FAAH2: variants seen among roughly 807,000 people sequenced by gnomAD.
FAAH2 encodes fatty acid amide hydrolase 2.
FAAH2 carries 60 observed loss-of-function variants against 36.9 expected under a neutral mutation model. That is an observed-to-expected ratio of 1.63 (90% CI 1.32 to 2.02). FAAH2 has a LOEUF of 2.02. Ranked by LOEUF, FAAH2 falls within the 30% of genes most tolerant of loss-of-function variation. The pLI, the probability that FAAH2 is intolerant of heterozygous loss-of-function variation, is 0.00. For synonymous variants in FAAH2, 214 were observed against 143.8 expected (o/e 1.49, Z -3.49); for missense variants, 689 against 397.5 (o/e 1.73, Z -6.23).
At position 57,434,856 on chromosome X, in the gene FAAH2, A is replaced by G. The variant is rs147732707; in HGVS notation, c.1116+2819A>G. ...TATCTAAAGTCAACATAAAAGAAAT[A>G]CTTCTATGATCAGCAAGAAAAATGC... On this transcript the variant is annotated intron_variant, in intron 8 of 10. Coordinates refer to ENST00000374900, the MANE Select transcript of FAAH2 (RefSeq NM_174912.4). Among the ~76,000 whole-genome samples the G allele has an allele frequency of 4.2e-3, 468 of 111,492 alleles. 3 individuals are homozygous for G. The highest frequency in any genetic ancestry group is 0.015 in the African/African-American group (449 of 30,713).
intron 10 of FAAH2, among the ~76,000 whole-genome samples, chrX:57,464,518 CAAAAAAA>C (rs5902566): frequency 1.5e-4 from 9 of 60,984 alleles, no homozygotes; most frequent in Admixed American, 4.2e-4. Context: ...ATAGCAATTG[CAAAAAAA>C]AAAAAAAAAA....
chrX:57,435,158 T>C (rs2056383799), intron 8 of FAAH2, among the ~76,000 whole-genome samples: 1 of 111,806 alleles, frequency 8.9e-6, no homozygotes, highest in Non-Finnish European at 1.9e-5. Context: ...TATATGTTCA[T>C]GATTATGATA....
intron 7 of FAAH2, among the ~76,000 whole-genome samples, chrX:57,405,514 A>G (rs1470988120): frequency 9.2e-6 from 1 of 108,188 alleles, no homozygotes; most frequent in African/African-American, 3.4e-5. Flanking sequence ...TGTGGCAGAC[A>G]CCCTGCCAGA....
At chrX:57,350,534 CAT>C (rs948522114) in intron 5 of FAAH2, among the ~76,000 whole-genome samples, 1 of 110,549 alleles carries the variant, frequency 9.0e-6, no homozygotes, top group Admixed American at 9.7e-5. Flanking sequence ...TGAACATAAA[CAT>C]ATTAAAATCT....
At chrX:57,418,926 T>C (rs1346050260) in intron 7 of FAAH2, among the ~76,000 whole-genome samples, 1 of 95,374 alleles carries the variant, frequency 1.0e-5, no homozygotes, top group East Asian at 3.7e-4. Flanking sequence ...GTCCATGTGT[T>C]CTCGTTGTTC....
intron 8 of FAAH2, among the ~76,000 whole-genome samples, chrX:57,443,036 C>T (rs1053325245): frequency 1.8e-5 from 2 of 111,814 alleles, no homozygotes; most frequent in African/African-American, 6.5e-5. Flanking sequence ...TCTGTCTGCC[C>T]TTGACATTGT....
chrX:57,475,428 C>G (rs984251413), intron 10 of FAAH2, among the ~76,000 whole-genome samples: 18 of 111,917 alleles, frequency 1.6e-4, no homozygotes, highest in Non-Finnish European at 3.0e-4. Flanking sequence ...CCAGTTTTTT[C>G]AGCATCATTT....
At chrX:57,133,049 T>G in the FAAH2 span, among the ~76,000 whole-genome samples, 48,948 of 109,682 alleles carry the variant, frequency 0.45, 11,184 homozygotes, top group African/African-American at 0.88. Context: ...TGCCTTCAGG[T>G]GAGACTCAAA....
the FAAH2 span, among the ~76,000 whole-genome samples, chrX:57,271,599 T>C: frequency 8.9e-6 from 1 of 111,977 alleles, no homozygotes; most frequent in Non-Finnish European, 1.9e-5. Flanking sequence ...CTCTGCAGCC[T>C]CCACTGGTGA....
the FAAH2 span, among the ~76,000 whole-genome samples, chrX:57,221,442 G>C: frequency 9.0e-6 from 1 of 110,969 alleles, no homozygotes; most frequent in Non-Finnish European, 1.9e-5. Flanking sequence ...AGCCCACCCA[G>C]TTCCTATCAC....
At chrX:57,210,267 A>G in the FAAH2 span, among the ~76,000 whole-genome samples, 2 of 111,661 alleles carry the variant, frequency 1.8e-5, no homozygotes, top group East Asian at 5.6e-4. Flanking sequence ...GTCCCAACTC[A>G]TATTTTGGAG....
chrX:57,380,324 G>A (rs2054809321), intron 6 of FAAH2, among the ~76,000 whole-genome samples: 1 of 111,255 alleles, frequency 9.0e-6, no homozygotes, highest in African/African-American at 3.3e-5. Context: ...TGCCTCTTCA[G>A]CTCACTTTTT....
the FAAH2 span, among the ~76,000 whole-genome samples, chrX:57,148,654 T>A: frequency 2.7e-5 from 3 of 111,792 alleles, no homozygotes; most frequent in Admixed American, 2.8e-4. Flanking sequence ...CTTAAGGAGA[T>A]TTTGGGCTGA....
chrX:57,310,634 A>T lies in FAAH2; in HGVS notation c.317A>T (p.Lys106Met), dbSNP rs1475948992. 9 of 1,210,026 alleles carry T rather than the reference A, an allele frequency of 7.4e-6. No individual in the cohort carries two copies. Among genetic ancestry groups the T allele is most frequent in the Non-Finnish European group, 1.0e-5 (9 of 894,583 alleles). ...AMKEAHAVDQ[K>M]LAEKQEDEAT... ...AAGGAGGCTCATGCTGTAGATCAAA[A>T]GCTTGCAGAGAAGCAGGAAGATGAA... Residue 106 changes from lysine to methionine, a missense_variant, in exon 3 of 11, where the codon AAG (lysine) becomes ATG (methionine). Lys to Met is a moderately conservative substitution (Grantham distance 95, BLOSUM62 -1). Transcript: ENST00000374900.
intron 5 of FAAH2, among the ~76,000 whole-genome samples, chrX:57,363,775 G>A (rs912520890): frequency 9.0e-6 from 1 of 110,770 alleles, no homozygotes; most frequent in African/African-American, 3.3e-5. Flanking sequence ...TAACATTGGA[G>A]GTATGATGAA....
At chrX:57,446,396 G>A (rs1483529734) in intron 8 of FAAH2, among the ~76,000 whole-genome samples, 2 of 112,088 alleles carry the variant, frequency 1.8e-5, no homozygotes, top group Non-Finnish European at 3.8e-5. Flanking sequence ...ATCCTGCTCT[G>A]CCTACACTTC....
At chrX:57,136,894 C>T in the FAAH2 span, 7 of 677,712 alleles carry the variant, frequency 1.0e-5, no homozygotes, top group Non-Finnish European at 1.5e-5. Context: ...TTACCCTTTA[C>T]TGCCACTAGC....
intron 10 of FAAH2, among the ~76,000 whole-genome samples, chrX:57,469,712 T>C (rs764667861): frequency 9.0e-6 from 1 of 111,327 alleles, no homozygotes. Flanking sequence ...TTAACAAGGA[T>C]ATCCAGTAAT....
At chrX:57,200,829 A>AT in the FAAH2 span, among the ~76,000 whole-genome samples, 4 of 110,680 alleles carry the variant, frequency 3.6e-5, no homozygotes, top group Admixed American at 3.8e-4. Context: ...ATAATATTCT[A>AT]TTTTTCTTTT....
Sources: allele counts gnomAD v4.1 joint callset (sites outside exome capture counted in the v4.1 genomes callset), GRCh38; gene constraint gnomAD v4.1.1; transcripts MANE v1.5; gene names NCBI Gene and HGNC (gene_info 2026-07-23, HGNC 2026-07-21).